KIAA1217: variants seen among roughly 807,000 people sequenced by gnomAD.
KIAA1217 encodes KIAA1217.
A neutral mutation model predicts 163.9 loss-of-function variants in KIAA1217; 88 were observed. That is an observed-to-expected ratio of 0.54 (90% CI 0.45 to 0.64). KIAA1217 has a LOEUF of 0.64. Ranked by LOEUF, KIAA1217 falls within the 30% of genes least tolerant of loss-of-function variation. KIAA1217 has a pLI of 0.00. For missense variants in KIAA1217, 2,372 were observed against 2,475.0 expected (o/e 0.96, Z 0.88); for synonymous variants, 903 against 923.1 (o/e 0.98, Z 0.39).
intron 1 of KIAA1217, among the ~76,000 whole-genome samples, chr10:23,696,688 C>G (rs575473754): frequency 6.6e-6 from 1 of 152,314 alleles, no homozygotes; most frequent in South Asian, 2.1e-4. Flanking sequence ...GATGCTTGCT[C>G]TACAGGGAAG....
At chr10:24,529,548 C>T (rs2134969022) in intron 14 of KIAA1217, among the ~76,000 whole-genome samples, 1 of 152,084 alleles carries the variant, frequency 6.6e-6, no homozygotes, top group East Asian at 1.9e-4. Flanking sequence ...ATGTGGAACC[C>T]ATGGATGCAG....
At chr10:23,775,824 C>A (rs181305169) in intron 1 of KIAA1217, among the ~76,000 whole-genome samples, 2 of 152,152 alleles carry the variant, frequency 1.3e-5, no homozygotes, top group African/African-American at 4.8e-5. Context: ...CTGATTTGTA[C>A]TGCAAGACAT....
At chr10:24,193,470 T>G (rs1407608485) in intron 2 of KIAA1217, among the ~76,000 whole-genome samples, 1 of 152,088 alleles carries the variant, frequency 6.6e-6, no homozygotes, top group Non-Finnish European at 1.5e-5. Flanking sequence ...CTGTCCTATC[T>G]CTGGCGATCT....
In KIAA1217 at chr10:24,546,229, A is replaced by G. The variant is rs774513314; in HGVS notation, c.5737A>G (p.Thr1913Ala). 11 of 1,614,182 alleles carry G rather than the reference A, an allele frequency of 6.8e-6. No homozygotes were observed. In the Admixed American group the frequency reaches 1.8e-4, roughly 27 times the overall value. The change falls in exon 21 of 21, where the codon ACC becomes GCC. Residue 1913 changes from threonine (T) to alanine (A), a missense_variant. Coordinates refer to ENST00000376454, the MANE Select transcript of KIAA1217 (RefSeq NM_019590.5). Reference protein sequence around the residue: ...SVSLNQGAKGTRTIHTPSLTS... With the variant: ...SVSLNQGAKGARTIHTPSLTS... ...CTCACTGAATCAAGGTGCCAAGGGC[A>G]CCAGGACCATCCATACTCCCAGCCT...
chr10:24,276,554 C>G (rs2077306281), intron 2 of KIAA1217, among the ~76,000 whole-genome samples: 1 of 152,090 alleles, frequency 6.6e-6, no homozygotes, highest in Non-Finnish European at 1.5e-5. Flanking sequence ...AAGTGATGCT[C>G]CCACCTCAGC....
intron 2 of KIAA1217, among the ~76,000 whole-genome samples, chr10:24,187,425 T>G (rs2066490613): frequency 6.6e-6 from 1 of 152,158 alleles, no homozygotes; most frequent in African/African-American, 2.4e-5. Context: ...CTTCTCCATC[T>G]CCCTTCACTC....
intron 2 of KIAA1217, among the ~76,000 whole-genome samples, chr10:24,189,361 C>T (rs750815712): frequency 3.3e-4 from 50 of 152,204 alleles, no homozygotes; most frequent in Admixed American, 1.1e-3. Context: ...CGAAAATATG[C>T]CCCTGAAACT....
intron 3 of KIAA1217, among the ~76,000 whole-genome samples, chr10:24,401,997 A>G (rs1487541490): frequency 3.3e-5 from 5 of 152,228 alleles, no homozygotes. Flanking sequence ...AAAACAAAAC[A>G]TGTATATGAT....
intron 1 of KIAA1217, among the ~76,000 whole-genome samples, chr10:23,853,316 T>G (rs1260206258): frequency 6.6e-6 from 1 of 152,212 alleles, no homozygotes; most frequent in Non-Finnish European, 1.5e-5. Flanking sequence ...TGGATTACAT[T>G]TATTGATTTG....
At chr10:24,206,237 TTTCA>T (rs2067547616), upstream of KIAA1217, among the ~76,000 whole-genome samples, 1 of 152,252 alleles carries the variant, frequency 6.6e-6, no homozygotes, top group Non-Finnish European at 1.5e-5. Context: ...TCCTTATGCC[TTTCA>T]CAGCAAATTT....
intron 7 of KIAA1217, 96 bp downstream of exon 7, chr10:24,494,700 C>G: frequency 1.1e-6 from 1 of 888,576 alleles, no homozygotes; most frequent in Non-Finnish European, 1.7e-6. Context: ...TTCTTGTAAT[C>G]ATTTCAAGGC....
intron 1 of KIAA1217, among the ~76,000 whole-genome samples, chr10:23,884,873 T>G (rs1383707901): frequency 6.6e-6 from 1 of 151,894 alleles, no homozygotes. Context: ...TAATTCCCAG[T>G]TGTCAATAAT....
At chr10:24,418,665 G>A (rs182536029) in intron 3 of KIAA1217, among the ~76,000 whole-genome samples, 67 of 152,198 alleles carry the variant, frequency 4.4e-4, no homozygotes, top group Admixed American at 1.4e-3. Flanking sequence ...TAATCTCTGC[G>A]CCTAAATCTG....
rs12269239 is a variant in KIAA1217 at position 24,121,218 on chromosome 10, G to A, written c.-170-98408G>A. On this transcript the variant is annotated intron_variant, in intron 2 of 18. Coordinates refer to the KIAA1217 transcript ENST00000376462. Reference sequence around the variant, plus strand: ...AGGAGAAAACAGGTAGCCTAGCATAGGTAGCAGCCTAGGGTGGGGGTAAAG... The same window carrying A: ...AGGAGAAAACAGGTAGCCTAGCATAAGTAGCAGCCTAGGGTGGGGGTAAAG... Among the ~76,000 whole-genome samples the A allele has an allele frequency of 5.9e-3, 897 of 152,292 alleles. 10 individuals carry two copies. Among genetic ancestry groups the A allele is most frequent in the African/African-American group, 0.021 (856 of 41,570 alleles).
At chr10:23,764,332 AG>A (rs1363036492) in intron 1 of KIAA1217, among the ~76,000 whole-genome samples, 1 of 152,232 alleles carries the variant, frequency 6.6e-6, no homozygotes, top group Non-Finnish European at 1.5e-5. Context: ...CTGGAGAAAT[AG>A]GAACACTTTT....
Position 24,444,391 on chromosome 10 carries a change from G to A in KIAA1217, c.846+5912G>A, listed in dbSNP as rs923473138. Among the ~76,000 whole-genome samples the A allele has an allele frequency of 1.9e-4, 29 of 152,242 alleles. No individual in the cohort carries two copies. The East Asian group carries it at 5.2e-3, about 27-fold the overall frequency. On this transcript the variant is annotated intron_variant, in intron 5 of 20. Transcript: ENST00000376454. ...AGACTTCCTACCCCAGGAAGCTTTC[G>A]CTAATGCTCTGTCAGAATTCATCTT...
chr10:24,068,835 G>C (rs998675880), intron 2 of KIAA1217, among the ~76,000 whole-genome samples: 4 of 152,128 alleles, frequency 2.6e-5, no homozygotes, highest in Non-Finnish European at 5.9e-5. Context: ...CTGGGAGCTG[G>C]AATTTTTTCT....
intron 2 of KIAA1217, among the ~76,000 whole-genome samples, chr10:24,008,724 G>C (rs939824179): frequency 1.3e-5 from 2 of 152,006 alleles, no homozygotes; most frequent in African/African-American, 2.4e-5. Flanking sequence ...ATACTGTTGT[G>C]ACTGTCTCTG....
At chr10:24,282,751 C>T (rs1051813203) in intron 2 of KIAA1217, among the ~76,000 whole-genome samples, 3 of 147,940 alleles carry the variant, frequency 2.0e-5, no homozygotes, top group African/African-American at 7.4e-5. Context: ...TTTCCTGCCA[C>T]AATCCTAAAA....
Sources: gnomAD v4.1 joint callset for allele counts (sites outside exome capture counted in the v4.1 genomes callset) on GRCh38, gnomAD v4.1.1 for gene constraint, MANE v1.5 for transcripts, NCBI Gene and HGNC (gene_info 2026-07-23, HGNC 2026-07-21) for gene names.